The following CD164L2 variants were observed in gnomAD, a reference collection of about 807,000 sequenced individuals.
CD164L2 encodes CD164 sialomucin-like 2 protein.
CD164L2 carries 21 observed loss-of-function variants against 23.9 expected under a neutral mutation model. The observed-to-expected ratio is 0.88, with a 90% CI of 0.62 to 1.27. CD164L2 has a LOEUF of 1.27. CD164L2 is among the 50% of genes most tolerant of loss of function. The pLI, the probability that CD164L2 is intolerant of heterozygous loss-of-function variation, is 0.00. For synonymous variants in CD164L2, 92 were observed against 90.2 expected (o/e 1.02, Z -0.11); for missense variants, 230 against 224.8 (o/e 1.02, Z -0.15).
chr1:27,382,728 A>G, intron 1 of CD164L2, 61 bp from the exon 2 acceptor site: 2 of 1,179,600 alleles, frequency 1.7e-6, no homozygotes, highest in Admixed American at 3.3e-5. Flanking sequence ...GCACCCGCCC[A>G]CCCTCCCACC....
At chr1:27,381,689 G>A (rs924071557) in intron 4 of CD164L2, 91 bp downstream of exon 4, 30 of 1,417,660 alleles carry the variant, frequency 2.1e-5, no homozygotes, top group Middle Eastern at 2.1e-4. Flanking sequence ...GCGCAGGGCC[G>A]AGGTCACAGA....
In CD164L2 at chr1:27,380,054, G is replaced by T. The variant is rs534756456; in HGVS notation, c.515C>A (p.Thr172Lys). The T allele has an allele frequency of 3.1e-6, 5 of 1,613,738 alleles. No homozygotes were observed. The South Asian group carries it at 4.4e-5, about 14-fold the overall frequency. Residue 172 changes from threonine (T) to lysine (K), a missense_variant, in exon 5 of 6, where the codon ACG (threonine) becomes AAG (lysine). Coordinates refer to ENST00000374030, the MANE Select transcript of CD164L2 (RefSeq NM_001330448.1). ...FLKAKDSTYQ[T>K]LI ...TTGCTGCTGGCCAGGTACTCACAGC[G>T]TCTGGTAGGTGCTGTCCTTGGCCTT...
intron 3 of CD164L2, 62 bp from the exon 4 acceptor site, chr1:27,381,886 C>G (rs2016341171): frequency 6.3e-7 from 1 of 1,598,314 alleles, no homozygotes; most frequent in Non-Finnish European, 8.6e-7. Context: ...CATCAAGACC[C>G]CAGCCCCCAC....
At chr1:27,379,774 C>T in intron 5 of CD164L2, 3 of 1,435,274 alleles carry the variant, frequency 2.1e-6, no homozygotes, top group Non-Finnish European at 1.8e-6. Context: ...CCTACTGGTT[C>T]TCTTCCCTGC....
Position 27,380,332 on chromosome 1 carries a change from T to C in CD164L2, c.374-137A>G, listed in dbSNP as rs1321221551. The C allele has an allele frequency of 9.2e-6, 7 of 759,890 alleles. No homozygotes were observed. The East Asian group carries it at 1.0e-4, about 11-fold the overall frequency. 47.1% of individuals were successfully genotyped at this position (759,890 alleles called of 1,614,324 possible). The stretch of plus-strand genomic sequence containing the variant: ...TGCTTAAACCCTGGGCTCCGTTTAG[T>C]CCAGATCCCGCAGGCAGTTGGGAAG... On this transcript the variant is annotated intron_variant, in intron 4 of 5. Transcript: ENST00000374030.
intron 5 of CD164L2, 97 bp from the exon 6 acceptor site, chr1:27,379,606 C>T (rs1182452261): frequency 6.5e-7 from 1 of 1,548,370 alleles, no homozygotes; most frequent in East Asian, 2.4e-5. Flanking sequence ...AGAGCAAACA[C>T]TTTAACACAG....
chr1:27,383,103 G>T (rs1351607588), intron 1 of CD164L2, 49 bp downstream of exon 1: 3 of 1,443,206 alleles, frequency 2.1e-6, no homozygotes, highest in East Asian at 5.0e-5. Context: ...TGAGGTGCAA[G>T]CTCCATCCGT....
In CD164L2 at chr1:27,379,283, G is replaced by C. The variant is rs188294078; in HGVS notation, c.*220C>G. The C allele has an allele frequency of 1.8e-4, 109 of 603,290 alleles. No homozygotes were observed. The highest frequency in any genetic ancestry group is 1.7e-3 in the African/African-American group (94 of 53,948). 37.4% of individuals were successfully genotyped at this position (603,290 alleles called of 1,614,324 possible). A position where few individuals can be genotyped will look rare whatever the true frequency, so the allele number is the denominator to read the frequency against. On this transcript the variant is annotated 3_prime_UTR_variant, in exon 6 of 6. Coordinates refer to ENST00000374030, the MANE Select transcript of CD164L2 (RefSeq NM_001330448.1). Reference sequence around the variant, plus strand: ...GGGGGGCCCAGCAGGGGCGATGGAGGAGACGAGGTGGTTGAGGGATTTTCT... The same window carrying C: ...GGGGGGCCCAGCAGGGGCGATGGAGCAGACGAGGTGGTTGAGGGATTTTCT...
intron 5 of CD164L2, 115 bp from the exon 6 acceptor site, chr1:27,379,624 C>A: frequency 6.5e-7 from 1 of 1,542,632 alleles, no homozygotes. Flanking sequence ...CAGGCTGTGG[C>A]GACCCGCCCC....
In CD164L2 at chr1:27,381,775, C is replaced by T; in HGVS notation, c.373+5G>A. 6.2e-7 allele frequency: 1 copy of T among 1,613,938 alleles called. No individual in the cohort carries two copies. The highest frequency in any genetic ancestry group is 8.5e-7 in the Non-Finnish European group (1 of 1,179,872). The stretch of plus-strand genomic sequence containing the variant: ...CCCACTGCCCCGTCTCCAGGGAGTA[C>T]TCACCTGTTGTGACTGTCTTCGGTT... On this transcript the variant is annotated splice_donor_5th_base_variant and intron_variant, in intron 4 of 5. Coordinates refer to ENST00000374030, the MANE Select transcript of CD164L2 (RefSeq NM_001330448.1).
At position 27,383,302 on chromosome 1, in the gene CD164L2, G is replaced by T. The variant is rs973333900; in HGVS notation, c.-63C>A. 7.3e-6 allele frequency: 8 copies of T among 1,099,872 alleles called. No individual in the cohort carries two copies. In the African/African-American group the frequency reaches 9.3e-5, roughly 13 times the overall value. 68.1% of individuals were successfully genotyped at this position (1,099,872 alleles called of 1,614,324 possible). ...GGATCGGTGGACAGCTGCCGGGCGC[G>T]TCCCTCCCAGACTGGGCTCGGCTGA... On this transcript the variant is annotated 5_prime_UTR_variant, in exon 1 of 6. Transcript: ENST00000374030.
chr1:27,380,344 A>G (rs928384276), intron 4 of CD164L2, 149 bp from the exon 5 acceptor site: 1 of 706,280 alleles, frequency 1.4e-6, no homozygotes, highest in Admixed American at 2.8e-5. Flanking sequence ...CAGATCCCGC[A>G]GGCAGTTGGG....
rs753852121 is a variant in CD164L2 at position 27,382,363 on chromosome 1, C to A, written c.293G>T (p.Gly98Val). The change falls in exon 3 of 6, where the codon GGT becomes GTT. Residue 98 changes from glycine to valine, a missense_variant. Transcript: ENST00000374030. ...CTCTGAGCGGTTGTAGATGGAGCAA[C>A]CTTCCTTGACCACCTCAGATTGGGC... ...CVAQSEVVKE[G>V]CSIYNRSEAC... is the part of the protein sequence containing the mutation. 52 of 1,613,068 alleles carry A rather than the reference C, an allele frequency of 3.2e-5. No homozygotes were observed. The highest frequency in any genetic ancestry group is 4.2e-5 in the Non-Finnish European group (50 of 1,179,428).
chr1:27,380,138 C>G lies in CD164L2; in HGVS notation c.431G>C (p.Gly144Ala). 6.2e-7 allele frequency: 1 copy of G among 1,614,188 alleles called. No homozygotes were observed. Among genetic ancestry groups the G allele is most frequent in the Non-Finnish European group, 8.5e-7 (1 of 1,180,022 alleles). Residue 144 changes from glycine to alanine, a missense_variant, in exon 5 of 6, where the codon GGA (glycine) becomes GCA (alanine). By Grantham distance (60) the Gly-to-Ala change is moderately conservative. Transcript: ENST00000374030. ...TAGGCTCAACACCAGCACGACACCTCCGATAAAGCTGGCCCCGTCAAATCC... is the reference window on the plus strand; with the variant it reads ...TAGGCTCAACACCAGCACGACACCTGCGATAAAGCTGGCCCCGTCAAATCC... ...SPGFDGASFI[G>A]GVVLVLSLQA...
rs1248019860 is a variant in CD164L2, at chr1:27,383,322, G to C, written c.-83C>G. On this transcript the variant is annotated 5_prime_UTR_variant, in exon 1 of 6. Coordinates refer to ENST00000374030, the MANE Select transcript of CD164L2 (RefSeq NM_001330448.1). ...GGCGCGTCCCTCCCAGACTGGGCTC[G>C]GCTGAGCGTGTGCGGAGCGAGACCT... 5.6e-6 allele frequency: 5 copies of C among 892,850 alleles called. No individual in the cohort carries two copies. The highest frequency in any genetic ancestry group is 2.4e-5 in the Admixed American group (1 of 42,210). The allele number at this position is 892,850 out of a possible 1,614,324, so 55.3% of individuals were successfully genotyped here. A position where few individuals can be genotyped will look rare whatever the true frequency, so the allele number is the denominator to read the frequency against.
chr1:27,382,130 C>T, intron 3 of CD164L2, 198 bp downstream of exon 3: 2 of 1,521,200 alleles, frequency 1.3e-6, no homozygotes, highest in South Asian at 1.3e-5. Flanking sequence ...ATCCCCTCCA[C>T]ACACCTGTAC....
In CD164L2 at chr1:27,383,174, TAGG is replaced by T. The variant is rs1340466581; in HGVS notation, c.63_65del (p.Leu22del). Reference sequence around the variant, plus strand: ...TACCAGCCACAGCCAGCTGGGCACATAGGAGGAGGCAGCAACAGCCGCCACAGA... The same window carrying T: ...TACCAGCCACAGCCAGCTGGGCACATAGGAGGCAGCAACAGCCGCCACAGA... On this transcript the variant is annotated inframe_deletion, in exon 1 of 6. Coordinates refer to ENST00000374030, the MANE Select transcript of CD164L2 (RefSeq NM_001330448.1). 1.4e-5 allele frequency: 22 copies of T among 1,548,154 alleles called. No homozygotes were observed. In the South Asian group the frequency reaches 1.5e-4, roughly 11 times the overall value.
At position 27,382,586 on chromosome 1, in the gene CD164L2, A is replaced by C. The variant is rs898372528; in HGVS notation, c.170T>G (p.Leu57Arg). ...WPAVQGACKQ[L>R]EVCEHCVEGD... The stretch of plus-strand genomic sequence containing the variant: ...CTCCACGCAGTGCTCACAGACCTCC[A>C]GCTGTTTGCAGGCCCCTTGGACCGC... The change falls in exon 2 of 6, where the codon CTG becomes CGG. Residue 57 changes from leucine to arginine, a missense_variant. By Grantham distance (102) the Leu-to-Arg change is moderately radical. Coordinates refer to ENST00000374030, the MANE Select transcript of CD164L2 (RefSeq NM_001330448.1). 1.9e-6 allele frequency: 3 copies of C among 1,613,396 alleles called. No homozygotes were observed. In the African/African-American group the frequency reaches 4.0e-5, roughly 22 times the overall value.
chr1:27,382,687 G>A lies in CD164L2; in HGVS notation c.89-20C>T, dbSNP rs1412611047. 9 of 1,594,782 alleles carry A rather than the reference G, an allele frequency of 5.6e-6. No homozygotes were observed. Among genetic ancestry groups the A allele is most frequent in the Non-Finnish European group, 6.8e-6 (8 of 1,169,534 alleles). On this transcript the variant is annotated intron_variant, in intron 1 of 5. Coordinates refer to ENST00000374030, the MANE Select transcript of CD164L2 (RefSeq NM_001330448.1). ...CTTTACCTGGTAGTGCGGTGGAGTG[G>A]GAAGGGAGAATTCCTCGAAGCCAAG...
Sources: allele counts gnomAD v4.1 joint callset, GRCh38; gene constraint gnomAD v4.1.1; transcripts MANE v1.5; gene names NCBI Gene and HGNC (gene_info 2026-07-23, HGNC 2026-07-21).